AJAP1: variants seen among roughly 807,000 people sequenced by gnomAD.
AJAP1 encodes the protein adherens junction-associated protein 1.
A neutral mutation model predicts 35.0 loss-of-function variants in AJAP1; 5 were observed. The ratio of observed to expected loss-of-function variants is 0.14; its 90% CI spans 0.07 to 0.30. The LOEUF is 0.30. AJAP1 is among the 10% of genes least tolerant of loss of function. AJAP1 has a pLI of 1.00. For synonymous variants in AJAP1, 284 were observed against 249.3 expected, an observed-to-expected ratio of 1.14 and a Z score of -1.31; for missense variants, 586 against 571.0, an observed-to-expected ratio of 1.03 and a Z score of -0.27.
intron 2 of AJAP1, among the ~76,000 whole-genome samples, chr1:4,729,956 G>T (rs115519591): frequency 1.8e-3 from 279 of 152,236 alleles, no homozygotes; most frequent in African/African-American, 6.5e-3. Flanking sequence ...AAAAAGTTCA[G>T]CCCCAAAAGT....
At chr1:4,694,228 G>T (rs1639807447) in intron 1 of AJAP1, among the ~76,000 whole-genome samples, 1 of 152,148 alleles carries the variant, frequency 6.6e-6, no homozygotes. Context: ...GGGGGGGATG[G>T]CCCCTAAACG....
chr1:4,772,441 G>A lies in AJAP1; in HGVS notation c.1079G>A (p.Cys360Tyr). ...GAGACCCTGCAGTGTTCTCACGAGT[G>A]CGTCAGGGCATCTGTGCCCGTGTAC... ...YNETLQCSHE[C>Y]VRASVPVYTD... Residue 360 changes from cysteine (C) to tyrosine (Y), a missense_variant, in exon 4 of 6, where the codon TGC (cysteine) becomes TAC (tyrosine). By Grantham distance (194) the Cys-to-Tyr change is radical. Coordinates refer to ENST00000378191, the MANE Select transcript of AJAP1 (RefSeq NM_018836.4). 2 of 1,614,240 alleles carry A rather than the reference G, an allele frequency of 1.2e-6. No individual in the cohort carries two copies. The highest frequency in any genetic ancestry group is 1.1e-5 in the South Asian group (1 of 91,086).
intron 1 of AJAP1, among the ~76,000 whole-genome samples, chr1:4,681,689 C>A (rs1038448163): frequency 3.3e-5 from 5 of 152,212 alleles, no homozygotes; most frequent in Non-Finnish European, 7.3e-5. Flanking sequence ...CTGGACAAAG[C>A]AAGGTCTCTC....
At chr1:4,743,414 G>A (rs1641115433) in intron 2 of AJAP1, among the ~76,000 whole-genome samples, 1 of 152,166 alleles carries the variant, frequency 6.6e-6, no homozygotes, top group Non-Finnish European at 1.5e-5. Flanking sequence ...AACTAAAAGG[G>A]AAGGGGCTTA....
intron 1 of AJAP1, among the ~76,000 whole-genome samples, chr1:4,696,760 C>T (rs1639870536): frequency 6.6e-6 from 1 of 152,124 alleles, no homozygotes; most frequent in African/African-American, 2.4e-5. Flanking sequence ...GTGCATATGA[C>T]TGTGTGTGCA....
intron 2 of AJAP1, among the ~76,000 whole-genome samples, chr1:4,743,302 C>G (rs924820319): frequency 6.6e-6 from 1 of 152,158 alleles, no homozygotes; most frequent in Non-Finnish European, 1.5e-5. Flanking sequence ...GACCTCAGCA[C>G]AAGAGCGCAC....
chr1:4,695,198 G>A (rs1180117602), intron 1 of AJAP1, among the ~76,000 whole-genome samples: 1 of 152,172 alleles, frequency 6.6e-6, no homozygotes, highest in Non-Finnish European at 1.5e-5. Context: ...CCTGCAGGAG[G>A]GAGGATGGGC....
At chr1:4,676,982 C>A (rs917147267) in intron 1 of AJAP1, among the ~76,000 whole-genome samples, 1 of 152,118 alleles carries the variant, frequency 6.6e-6, no homozygotes, top group African/African-American at 2.4e-5. Context: ...CATGGTGAAA[C>A]CCCGTCTCTA....
At chr1:4,772,917 G>A (rs1000064807) in intron 4 of AJAP1, among the ~76,000 whole-genome samples, 1 of 152,130 alleles carries the variant, frequency 6.6e-6, no homozygotes, top group Non-Finnish European at 1.5e-5. Context: ...CAGCGTCTCT[G>A]AGCCCTGTCA....
rs1209142670 is a variant in AJAP1, at chr1:4,743,626, A to G, written c.830-26227A>G. Among the ~76,000 whole-genome samples, 9 of 152,272 alleles carry G rather than the reference A, an allele frequency of 5.9e-5. No homozygotes were observed. The East Asian group carries it at 1.7e-3, about 29-fold the overall frequency. On this transcript the variant is annotated intron_variant, in intron 2 of 5. Transcript: ENST00000378191. ...GAGACATTGCCAGGAGCTTGCAATCAATTGGCCAGAATGATTTTCTAATTT... is the reference window on the plus strand; with the variant it reads ...GAGACATTGCCAGGAGCTTGCAATCGATTGGCCAGAATGATTTTCTAATTT...
chr1:4,777,563 G>C (rs1291110519), intron 5 of AJAP1: 3 of 152,218 alleles, frequency 2.0e-5, no homozygotes, highest in African/African-American at 7.2e-5. Context: ...AGGGGGCCTC[G>C]AGAGCAGGCC....
At chr1:4,721,028 G>A (rs1051087600) in intron 2 of AJAP1, among the ~76,000 whole-genome samples, 6 of 152,198 alleles carry the variant, frequency 3.9e-5, no homozygotes, top group East Asian at 3.9e-4. Flanking sequence ...TTTGCAAGGG[G>A]CACGACTCTC....
intron 1 of AJAP1, among the ~76,000 whole-genome samples, chr1:4,705,626 C>T (rs1640086160): frequency 6.6e-6 from 1 of 151,554 alleles, no homozygotes; most frequent in Admixed American, 6.6e-5. Flanking sequence ...GAGGCAGATA[C>T]TTCCTCTCTG....
chr1:4,742,272 C>G (rs61766963), intron 2 of AJAP1, among the ~76,000 whole-genome samples: 4,711 of 152,316 alleles, frequency 0.031, 104 homozygotes, highest in Middle Eastern at 0.051. Context: ...AGCTCCTGCG[C>G]TGCCTGATTG....
At chr1:4,750,371 TA>T (rs2100331415) in intron 2 of AJAP1, among the ~76,000 whole-genome samples, 1 of 152,322 alleles carries the variant, frequency 6.6e-6, no homozygotes, top group Admixed American at 6.5e-5. Flanking sequence ...ACCTGTATGC[TA>T]AAAATAGAAT....
At chr1:4,748,032 C>T (rs901798768) in intron 2 of AJAP1, among the ~76,000 whole-genome samples, 1 of 151,724 alleles carries the variant, frequency 6.6e-6, no homozygotes, top group Non-Finnish European at 1.5e-5. Flanking sequence ...CCTTTCCTTA[C>T]TGTCCAACCC....
At position 4,712,328 on chromosome 1, in the gene AJAP1, G is replaced by T. The variant is rs550924407; in HGVS notation, c.458G>T (p.Arg153Met). The change falls in exon 2 of 6, where the codon AGG becomes ATG. Residue 153 changes from arginine (R) to methionine (M), a missense_variant. Transcript: ENST00000378191. Reference protein sequence around the residue: ...GGAPEQQALLRRGKRHLQGDG... With the variant: ...GGAPEQQALLMRGKRHLQGDG... Reference sequence around the variant, plus strand: ...GCCCCGGAGCAGCAGGCCCTCCTGAGGAGGGGCAAGAGGCACCTGCAGGGG... The same window carrying T: ...GCCCCGGAGCAGCAGGCCCTCCTGATGAGGGGCAAGAGGCACCTGCAGGGG... 1.7e-5 allele frequency: 25 copies of T among 1,492,690 alleles called. No homozygotes were observed. Among genetic ancestry groups the T allele is most frequent in the African/African-American group, 2.8e-5 (2 of 71,514 alleles). The allele number at this position is 1,492,690 out of a possible 1,614,324, so 92.5% of individuals were successfully genotyped here. A position where few individuals can be genotyped will look rare whatever the true frequency, so the allele number is the denominator to read the frequency against.
chr1:4,752,395 T>G (rs574892356), intron 2 of AJAP1, among the ~76,000 whole-genome samples: 1 of 152,198 alleles, frequency 6.6e-6, no homozygotes, highest in South Asian at 2.1e-4. Context: ...GTAATTGCTC[T>G]AGAGATGATA....
At chr1:4,678,708 T>A (rs1639412263) in intron 1 of AJAP1, among the ~76,000 whole-genome samples, 1 of 152,144 alleles carries the variant, frequency 6.6e-6, no homozygotes. Flanking sequence ...GAGTCATGGG[T>A]CCCACCCACA....
Sources: allele counts gnomAD v4.1 joint callset (sites outside exome capture counted in the v4.1 genomes callset), GRCh38; gene constraint gnomAD v4.1.1; transcripts MANE v1.5; gene names NCBI Gene and HGNC (gene_info 2026-07-23, HGNC 2026-07-21).